RSPO3: variants seen among roughly 807,000 people sequenced by gnomAD.
RSPO3 encodes R-spondin 3, also known as R-spondin-3.
In RSPO3, 17 loss-of-function variants were observed where a neutral mutation model predicts 36.5. That is an observed-to-expected ratio of 0.47 (90% confidence interval 0.32 to 0.70). RSPO3 has a LOEUF of 0.70. RSPO3 is among the 30% of genes least tolerant of loss of function. The pLI is 0.04. For synonymous variants in RSPO3, 108 were observed against 107.0 expected, an observed-to-expected ratio of 1.01 and a Z score of -0.06; for missense variants, 294 against 322.5, an observed-to-expected ratio of 0.91 and a Z score of 0.68.
intron 4 of RSPO3, among the ~76,000 whole-genome samples, chr6:127,168,595 T>C (rs1774873159): frequency 6.6e-6 from 1 of 152,120 alleles, no homozygotes; most frequent in Non-Finnish European, 1.5e-5. Context: ...AGAAGCTCTT[T>C]AGTTTAATTA....
chr6:127,131,669 C>G (rs1774060068), intron 1 of RSPO3, among the ~76,000 whole-genome samples: 2 of 152,102 alleles, frequency 1.3e-5, no homozygotes, highest in Admixed American at 6.6e-5. Flanking sequence ...AAGACACAGA[C>G]AGCCGAGTTA....
Position 127,127,535 on chromosome 6 carries a change from C to T in RSPO3, c.97+8246C>T, listed in dbSNP as rs192045852. Among the ~76,000 whole-genome samples, 350 of 152,140 alleles carry T rather than the reference C, an allele frequency of 2.3e-3. 1 individual carries two copies. Among genetic ancestry groups the T allele is most frequent in the African/African-American group, 8.3e-3 (343 of 41,516 alleles). On this transcript the variant is annotated intron_variant, in intron 1 of 4. Coordinates refer to ENST00000356698, the MANE Select transcript of RSPO3 (RefSeq NM_032784.5). Reference sequence around the variant, plus strand: ...TACTCAATAGCTCCCATGTTATAATCACCAGTAAGTGCCAGACCCTTTGCT... The same window carrying T: ...TACTCAATAGCTCCCATGTTATAATTACCAGTAAGTGCCAGACCCTTTGCT...
At chr6:127,128,337 G>C (rs551112279) in intron 1 of RSPO3, among the ~76,000 whole-genome samples, 2 of 151,268 alleles carry the variant, frequency 1.3e-5, no homozygotes, top group South Asian at 4.2e-4. Flanking sequence ...GAATTTCCTG[G>C]GGATCTTTAA....
chr6:127,188,435 A>G (rs556883215), intron 4 of RSPO3, among the ~76,000 whole-genome samples: 1 of 152,236 alleles, frequency 6.6e-6, no homozygotes, highest in South Asian at 2.1e-4. Context: ...AAAATTTTAA[A>G]GCTATATAAT....
intron 4 of RSPO3, among the ~76,000 whole-genome samples, chr6:127,179,256 G>A (rs1775132311): frequency 6.6e-6 from 1 of 151,916 alleles, no homozygotes; most frequent in African/African-American, 2.4e-5. Context: ...ACAATAATTA[G>A]ATTGAGAGTA....
intron 4 of RSPO3, among the ~76,000 whole-genome samples, chr6:127,171,908 G>A (rs1364776086): frequency 2.0e-5 from 3 of 151,480 alleles, no homozygotes; most frequent in South Asian, 2.1e-4. Flanking sequence ...TTAATAAATG[G>A]CAGATGACAC....
At chr6:127,147,669 A>C (rs1774415074) in intron 1 of RSPO3, among the ~76,000 whole-genome samples, 1 of 152,174 alleles carries the variant, frequency 6.6e-6, no homozygotes, top group African/African-American at 2.4e-5. Context: ...TTAAGCAAAC[A>C]TGAGTCTCCC....
In RSPO3 at chr6:127,163,876, G is replaced by A. The variant is rs536907979; in HGVS notation, c.634+8438G>A. Reference sequence around the variant, plus strand: ...CAAGAAGAAAATTATTGGCTTAAACGCAGACTGCACTAAGTCCTCAAACAA... The same window carrying A: ...CAAGAAGAAAATTATTGGCTTAAACACAGACTGCACTAAGTCCTCAAACAA... On this transcript the variant is annotated intron_variant, in intron 4 of 4. Transcript: ENST00000356698. Among the ~76,000 whole-genome samples the A allele has an allele frequency of 4.6e-5, 7 of 152,074 alleles. No homozygotes were observed. The East Asian group carries it at 9.7e-4, about 21-fold the overall frequency.
chr6:127,136,150 G>A (rs943534359), intron 1 of RSPO3, among the ~76,000 whole-genome samples: 2 of 152,124 alleles, frequency 1.3e-5, no homozygotes, highest in South Asian at 4.1e-4. Context: ...CACAGCAGAT[G>A]GTTCCAAGGG....
chr6:127,184,586 A>C (rs1775253468), intron 4 of RSPO3, among the ~76,000 whole-genome samples: 2 of 152,038 alleles, frequency 1.3e-5, no homozygotes, highest in South Asian at 4.1e-4. Flanking sequence ...CTTCTGCATT[A>C]ATCAGATGCT....
chr6:127,182,711 G>C (rs2114634610), intron 4 of RSPO3, among the ~76,000 whole-genome samples: 1 of 151,842 alleles, frequency 6.6e-6, no homozygotes, highest in Non-Finnish European at 1.5e-5. Flanking sequence ...GGTCCATTTT[G>C]GTGGCATTCC....
intron 1 of RSPO3, among the ~76,000 whole-genome samples, chr6:127,138,302 T>A (rs1582790210): frequency 6.6e-6 from 1 of 152,164 alleles, no homozygotes; most frequent in Non-Finnish European, 1.5e-5. Flanking sequence ...TAGGTGTGTA[T>A]CTTCAGTGAG....
At chr6:127,119,747 C>A (rs950826594) in intron 1 of RSPO3, 3 of 155,044 alleles carry the variant, frequency 1.9e-5, no homozygotes, top group African/African-American at 4.8e-5. Context: ...CGCGGGGAGA[C>A]CTCGGCTGGG....
chr6:127,145,561 G>A (rs968434196), intron 1 of RSPO3, among the ~76,000 whole-genome samples: 6 of 152,086 alleles, frequency 3.9e-5, no homozygotes, highest in Middle Eastern at 3.4e-3. Context: ...CACTACTTAT[G>A]CACCAGTTGC....
chr6:127,189,575 C>T (rs1159185108), intron 4 of RSPO3, among the ~76,000 whole-genome samples: 1 of 152,138 alleles, frequency 6.6e-6, no homozygotes, highest in Non-Finnish European at 1.5e-5. Context: ...ATTCCCAAAA[C>T]AGCATGATAC....
intron 1 of RSPO3, among the ~76,000 whole-genome samples, chr6:127,124,978 C>T (rs553958528): frequency 6.6e-6 from 1 of 152,130 alleles, no homozygotes; most frequent in East Asian, 1.9e-4. Context: ...AAGCAAAATA[C>T]CTGAATTCTT....
intron 1 of RSPO3, among the ~76,000 whole-genome samples, chr6:127,137,425 T>C (rs965130433): frequency 2.0e-5 from 3 of 152,060 alleles, no homozygotes; most frequent in African/African-American, 7.2e-5. Context: ...TATAAGATAA[T>C]TGTATGGGCT....
At chr6:127,182,374 A>G (rs1024562022) in intron 4 of RSPO3, among the ~76,000 whole-genome samples, 12 of 152,060 alleles carry the variant, frequency 7.9e-5, no homozygotes, top group African/African-American at 2.6e-4. Flanking sequence ...AATAAAAACC[A>G]AACATATGGG....
At position 127,197,600 on chromosome 6, in the gene RSPO3, T is replaced by G. The variant is rs1292629327; in HGVS notation, c.*1593T>G. 51 of 1,490,560 alleles carry G rather than the reference T, an allele frequency of 3.4e-5. No individual in the cohort carries two copies. Among genetic ancestry groups the G allele is most frequent in the Non-Finnish European group, 3.3e-5 (37 of 1,117,764 alleles). The allele number at this position is 1,490,560 out of a possible 1,614,324, so 92.3% of individuals were successfully genotyped here. ...CTCTGTCCACTGTGATTCCTAGCCC[T>G]CTCAAGATCACTGCTTTCTGAAGAA... On this transcript the variant is annotated 3_prime_UTR_variant, in exon 5 of 5. Transcript: ENST00000356698.
Sources: gnomAD v4.1 joint callset for allele counts (sites outside exome capture counted in the v4.1 genomes callset) on GRCh38, gnomAD v4.1.1 for gene constraint, MANE v1.5 for transcripts, NCBI Gene and HGNC (gene_info 2026-07-23, HGNC 2026-07-21) for gene names.